The following GLRA2 variants were observed in gnomAD, a reference collection of about 807,000 sequenced individuals.
GLRA2 encodes the protein glycine receptor subunit alpha-2.
GLRA2 carries 11 observed loss-of-function variants against 31.6 expected under a neutral mutation model. That is an observed-to-expected ratio of 0.35 (90% CI 0.22 to 0.58). GLRA2 has a LOEUF of 0.58. Among genes scored for constraint, GLRA2 ranks in the 20% least tolerant of loss-of-function variants. The pLI is 0.84. For synonymous variants in GLRA2, 132 were observed against 134.0 expected (o/e 0.99, Z 0.10); for missense variants, 212 against 351.8 (o/e 0.60, Z 3.18).
rs1236722574 is a variant in GLRA2 at position 14,643,711 on chromosome X, G to A, written c.930+34506G>A. Among the ~76,000 whole-genome samples, 5 of 111,526 alleles carry A rather than the reference G, an allele frequency of 4.5e-5. No individual in the cohort carries two copies. The Admixed American group carries it at 4.8e-4, about 11-fold the overall frequency. The stretch of plus-strand genomic sequence containing the variant: ...TCCTTTTATATTTGGTGTATAGAGT[G>A]CTTCCCCATTCCTGTAACAACATAG... On this transcript the variant is annotated intron_variant, in intron 7 of 8. Coordinates refer to ENST00000218075, the MANE Select transcript of GLRA2 (RefSeq NM_002063.4).
chrX:14,495,657 C>A, the GLRA2 span, among the ~76,000 whole-genome samples: 1 of 107,471 alleles, frequency 9.3e-6, no homozygotes, highest in East Asian at 2.9e-4. Context: ...CATATATATC[C>A]TTATATACTT....
At chrX:14,628,994 C>T (rs948401989) in intron 7 of GLRA2, among the ~76,000 whole-genome samples, 1 of 111,086 alleles carries the variant, frequency 9.0e-6, no homozygotes, top group African/African-American at 3.3e-5. Context: ...GTAGCTTAGG[C>T]GAGATACTGG....
chrX:14,653,916 G>A (rs1055208591), intron 7 of GLRA2, among the ~76,000 whole-genome samples: 1 of 112,117 alleles, frequency 8.9e-6, no homozygotes, highest in Non-Finnish European at 1.9e-5. Context: ...CTTGAGGCCA[G>A]AAGTTTGAGA....
chrX:14,560,069 T>C (rs1267942304), intron 2 of GLRA2, among the ~76,000 whole-genome samples: 1 of 112,055 alleles, frequency 8.9e-6, no homozygotes, highest in African/African-American at 3.2e-5. Flanking sequence ...TAACTCTACA[T>C]CTTCCTGCTT....
At position 14,730,632 on chromosome X, in the gene GLRA2, T is replaced by A; in HGVS notation, c.*147T>A. 1 of 442,945 alleles carries A rather than the reference T, an allele frequency of 2.3e-6. No individual in the cohort carries two copies. Among genetic ancestry groups the A allele is most frequent in the Non-Finnish European group, 3.9e-6 (1 of 256,442 alleles). 36.5% of individuals were successfully genotyped at this position (442,945 alleles called of 1,213,427 possible). A position where few individuals can be genotyped will look rare whatever the true frequency, so the allele number is the denominator to read the frequency against. The stretch of plus-strand genomic sequence containing the variant: ...GGGGGTGGGTTTCCTGGCACCTACA[T>A]GAAAAAAAAGACAAGTTATATGGGT... On this transcript the variant is annotated 3_prime_UTR_variant, in exon 9 of 9. Coordinates refer to ENST00000218075, the MANE Select transcript of GLRA2 (RefSeq NM_002063.4).
At chrX:14,560,224 C>T (rs918416068) in intron 2 of GLRA2, among the ~76,000 whole-genome samples, 3 of 112,493 alleles carry the variant, frequency 2.7e-5, no homozygotes, top group African/African-American at 9.7e-5. Flanking sequence ...CATCCAAGGG[C>T]CACACATTAA....
intron 7 of GLRA2, among the ~76,000 whole-genome samples, chrX:14,638,999 C>T (rs1050222525): frequency 1.1e-4 from 12 of 111,184 alleles, no homozygotes; most frequent in African/African-American, 3.9e-4. Context: ...CAGTCTTCTA[C>T]AGTAGATAAA....
chrX:14,593,464 T>C (rs1053143614), intron 4 of GLRA2, among the ~76,000 whole-genome samples: 6 of 112,325 alleles, frequency 5.3e-5, no homozygotes, highest in African/African-American at 1.9e-4. Context: ...AAGGTTTTAT[T>C]TGATGTTTCA....
At chrX:14,476,297 T>G in the GLRA2 span, among the ~76,000 whole-genome samples, 1 of 111,950 alleles carries the variant, frequency 8.9e-6, no homozygotes, top group Non-Finnish European at 1.9e-5. Context: ...TTCAGCTACA[T>G]TTGCTTCAGC....
chrX:14,511,184 T>C, the GLRA2 span, among the ~76,000 whole-genome samples: 1 of 112,302 alleles, frequency 8.9e-6, no homozygotes, highest in Admixed American at 9.4e-5. Context: ...TGTAATATTA[T>C]TTGGCCTTAT....
chrX:14,475,458 C>A, the GLRA2 span, among the ~76,000 whole-genome samples: 1 of 111,981 alleles, frequency 8.9e-6, no homozygotes, highest in Non-Finnish European at 1.9e-5. Context: ...GATCTACAAA[C>A]CACCTGAATC....
chrX:14,517,006 A>G, the GLRA2 span, among the ~76,000 whole-genome samples: 1 of 112,269 alleles, frequency 8.9e-6, no homozygotes, highest in African/African-American at 3.2e-5. Context: ...GAAAGATATT[A>G]ACAAATTATT....
Position 14,690,679 on chromosome X carries a change from G to C in GLRA2, c.931-31G>C, listed in dbSNP as rs113248277. On this transcript the variant is annotated intron_variant, in intron 7 of 8. Transcript: ENST00000218075. ...TTTCTTTCTCTCTCTCTCTCTCTCT[G>C]TGTGTGTGTGTGTCTCTCTCTCTCT... 1,665 of 719,310 alleles carry C rather than the reference G, an allele frequency of 2.3e-3. 19 individuals are homozygous for C. In the African/African-American group the frequency reaches 0.03, roughly 13 times the overall value. 59.3% of individuals were successfully genotyped at this position (719,310 alleles called of 1,213,427 possible).
intron 7 of GLRA2, among the ~76,000 whole-genome samples, chrX:14,615,739 T>C (rs755023285): frequency 9.0e-6 from 1 of 111,642 alleles, no homozygotes; most frequent in South Asian, 3.8e-4. Context: ...TAAGGCTTTC[T>C]AGAAAAAAAT....
chrX:14,583,521 G>A (rs1446410455), intron 4 of GLRA2, among the ~76,000 whole-genome samples: 2 of 112,037 alleles, frequency 1.8e-5, no homozygotes, highest in Non-Finnish European at 3.8e-5. Context: ...GGTGGATCAC[G>A]AGGTCAGGAG....
chrX:14,642,072 C>T (rs1037149333), intron 7 of GLRA2, among the ~76,000 whole-genome samples: 1 of 111,895 alleles, frequency 8.9e-6, no homozygotes, highest in African/African-American at 3.3e-5. Context: ...TTAGGTTCCA[C>T]AAGAATCATC....
chrX:14,653,932 C>T (rs2090914619), intron 7 of GLRA2, among the ~76,000 whole-genome samples: 1 of 111,884 alleles, frequency 8.9e-6, no homozygotes, highest in Admixed American at 9.5e-5. Flanking sequence ...TGAGACAAGC[C>T]TGGGCAACAT....
Position 14,712,995 on chromosome X carries a change from C to A in GLRA2, c.1081-17212C>A, listed in dbSNP as rs542803206. Among the ~76,000 whole-genome samples the A allele has an allele frequency of 3.6e-5, 4 of 112,011 alleles. No homozygotes were observed. In the South Asian group the frequency reaches 1.5e-3, roughly 42 times the overall value. Reference sequence around the variant, plus strand: ...AGAATTCTGGGAAATATAGTTCTTCCCAGCCTTAGGCAGATGCCTAAGGAG... The same window carrying A: ...AGAATTCTGGGAAATATAGTTCTTCACAGCCTTAGGCAGATGCCTAAGGAG... On this transcript the variant is annotated intron_variant, in intron 8 of 8. Coordinates refer to ENST00000218075, the MANE Select transcript of GLRA2 (RefSeq NM_002063.4).
At chrX:14,618,198 C>G (rs1177444518) in intron 7 of GLRA2, among the ~76,000 whole-genome samples, 1 of 111,894 alleles carries the variant, frequency 8.9e-6, no homozygotes, top group African/African-American at 3.2e-5. Flanking sequence ...TAAGAAGAAG[C>G]CTCAATTAGG....
Sources: allele counts gnomAD v4.1 joint callset (sites outside exome capture counted in the v4.1 genomes callset), GRCh38; gene constraint gnomAD v4.1.1; transcripts MANE v1.5; gene names NCBI Gene and HGNC (gene_info 2026-07-23, HGNC 2026-07-21).